The following ZBTB8B variants were observed in gnomAD, a reference collection of about 807,000 sequenced individuals.
The protein encoded by ZBTB8B is zinc finger and BTB domain-containing protein 8B.
In ZBTB8B, 17 loss-of-function variants were observed where a neutral mutation model predicts 30.3. The observed-to-expected ratio is 0.56, with a 90% CI of 0.38 to 0.84. The LOEUF (loss-of-function observed/expected upper bound fraction) is 0.84. Ranked by LOEUF, ZBTB8B falls within the 40% of genes least tolerant of loss-of-function variation. The pLI is 0.00. For missense variants in ZBTB8B, 515 were observed against 644.9 expected, an observed-to-expected ratio of 0.80 and a Z score of 2.18; for synonymous variants, 248 against 255.6, an observed-to-expected ratio of 0.97 and a Z score of 0.28.
At chr1:32,475,667 A>G (rs1643659915) in intron 2 of ZBTB8B, among the ~76,000 whole-genome samples, 1 of 152,176 alleles carries the variant, frequency 6.6e-6, no homozygotes, top group Non-Finnish European at 1.5e-5. Flanking sequence ...ACTCAGAGGT[A>G]TGAGTTCATG....
chr1:32,475,388 C>A (rs1643654408), intron 2 of ZBTB8B, among the ~76,000 whole-genome samples: 1 of 152,084 alleles, frequency 6.6e-6, no homozygotes, highest in Non-Finnish European at 1.5e-5. Context: ...TCAAGACCAG[C>A]CTGGCCAACA....
rs1164174584 is a variant in ZBTB8B, at chr1:32,495,387, T to G, written c.*9969T>G. 1 of 152,184 alleles carries G rather than the reference T, an allele frequency of 6.6e-6. No homozygotes were observed. The highest frequency in any genetic ancestry group is 1.5e-5 in the Non-Finnish European group (1 of 68,030). 9.4% of individuals were successfully genotyped at this position (152,184 alleles called of 1,614,324 possible). A position where few individuals can be genotyped will look rare whatever the true frequency, so the allele number is the denominator to read the frequency against. On this transcript the variant is annotated 3_prime_UTR_variant, in exon 4 of 4. Transcript: ENST00000609129. ...AGTATTCCTGGTTTTTAATGAAATATTTATCTAGTTTGGGATTAAAATTAA... is the reference window on the plus strand; with the variant it reads ...AGTATTCCTGGTTTTTAATGAAATAGTTATCTAGTTTGGGATTAAAATTAA...
chr1:32,473,148 C>A (rs1475878868), intron 2 of ZBTB8B, among the ~76,000 whole-genome samples: 2 of 152,138 alleles, frequency 1.3e-5, no homozygotes, highest in African/African-American at 4.8e-5. Flanking sequence ...GGCTTCCAAA[C>A]CTTAAGCCAA....
rs1486636892 is a variant in ZBTB8B, at chr1:32,491,800, C to T, written c.*6382C>T. ...TGGGCATCATGTCTACCATATGTAA[C>T]ATTGCCTAGCAGTTGACATATGAAT... On this transcript the variant is annotated 3_prime_UTR_variant, in exon 4 of 4. Transcript: ENST00000609129. 3 of 152,234 alleles carry T rather than the reference C, an allele frequency of 2.0e-5. No individual in the cohort carries two copies. Among genetic ancestry groups the T allele is most frequent in the Admixed American group, 6.5e-5 (1 of 15,282 alleles). The allele number at this position is 152,234 out of a possible 1,614,324, so 9.4% of individuals were successfully genotyped here.
In ZBTB8B at chr1:32,470,769, T is replaced by C. The variant is rs1643611179; in HGVS notation, c.145T>C (p.Phe49Leu). ...RNILFANSGY[F>L]RALLIHYIQD... ...CATTTTGTTTGCTAACAGCGGCTAC[T>C]TCCGAGCCCTGCTCATTCACTATAT... The change falls in exon 2 of 4, where the codon TTC becomes CTC. Residue 49 changes from phenylalanine (F) to leucine (L), a missense_variant. By Grantham distance (22) the Phe-to-Leu change is conservative. Around this residue, in one of 3 missense-constraint regions of ZBTB8B, gnomAD observed 61 missense variants for 117.7 expected, o/e 0.52. Coordinates refer to ENST00000609129, the MANE Select transcript of ZBTB8B (RefSeq NM_001145720.2). The C allele has an allele frequency of 7.7e-6, 12 of 1,551,798 alleles. No individual in the cohort carries two copies. The highest frequency in any genetic ancestry group is 1.0e-5 in the Non-Finnish European group (12 of 1,147,014).
intron 2 of ZBTB8B, among the ~76,000 whole-genome samples, chr1:32,474,986 A>G (rs1643651798): frequency 6.6e-6 from 1 of 152,346 alleles, no homozygotes; most frequent in East Asian, 1.9e-4. Context: ...TGTGCCACTT[A>G]TAATATATTC....
At chr1:32,470,499 CAA>C (rs60700558) in intron 1 of ZBTB8B, 83 bp from the exon 2 acceptor site, 19,217 of 343,528 alleles carry the variant, frequency 0.056, no homozygotes, top group South Asian at 0.1. Context: ...GACGCTGACT[CAA>C]AAAAAAAAAA....
intron 1 of ZBTB8B, among the ~76,000 whole-genome samples, chr1:32,466,264 G>A (rs1643569638): frequency 6.6e-6 from 1 of 152,138 alleles, no homozygotes; most frequent in East Asian, 1.9e-4. Flanking sequence ...ACTCCCTCAA[G>A]GGTATATGAG....
In ZBTB8B at chr1:32,484,610, T is replaced by C. The variant is rs1643730072; in HGVS notation, c.1171-491T>C. ...GAAATGTAATCCCTAATGCTGGAAGTGGGGCCTGGTGGGAGGTGGTTGCAT... is the reference window on the plus strand; with the variant it reads ...GAAATGTAATCCCTAATGCTGGAAGCGGGGCCTGGTGGGAGGTGGTTGCAT... On this transcript the variant is annotated intron_variant, in intron 3 of 3. Transcript: ENST00000609129. This position sits in a 1 kb window ranked among gnomAD's most constrained non-coding sequence, Gnocchi z 4.5. 6.6e-6 allele frequency among the ~76,000 whole-genome samples: 1 copy of C among 152,116 alleles called. No homozygotes were observed. Among genetic ancestry groups the C allele is most frequent in the Non-Finnish European group, 1.5e-5 (1 of 68,022 alleles).
rs1157423808 is a variant in ZBTB8B at position 32,494,795 on chromosome 1, T to C, written c.*9377T>C. On this transcript the variant is annotated 3_prime_UTR_variant, in exon 4 of 4. Transcript: ENST00000609129. Reference sequence around the variant, plus strand: ...AAGTGATTTTTTCCAACCTCGCTGATTTTTTTCCTTCTTTCTTTTTTGAGA... The same window carrying C: ...AAGTGATTTTTTCCAACCTCGCTGACTTTTTTCCTTCTTTCTTTTTTGAGA... 6.6e-6 allele frequency: 1 copy of C among 152,122 alleles called. No individual in the cohort carries two copies. The highest frequency in any genetic ancestry group is 1.5e-5 in the Non-Finnish European group (1 of 68,016). The allele number at this position is 152,122 out of a possible 1,614,324, so 9.4% of individuals were successfully genotyped here.
rs534026096 is a variant in ZBTB8B, at chr1:32,489,364, G to C, written c.*3946G>C. ...ATGTTTAAATGATTCTCTTTCTTTC[G>C]TAATATCTCAGATTGTTGCATTTCT... On this transcript the variant is annotated 3_prime_UTR_variant, in exon 4 of 4. Transcript: ENST00000609129. 2.6e-5 allele frequency: 4 copies of C among 152,226 alleles called. No homozygotes were observed. In the East Asian group the frequency reaches 7.7e-4, roughly 29 times the overall value. 9.4% of individuals were successfully genotyped at this position (152,226 alleles called of 1,614,324 possible).
chr1:32,479,261 A>G (rs916496030), intron 2 of ZBTB8B, among the ~76,000 whole-genome samples: 1 of 152,210 alleles, frequency 6.6e-6, no homozygotes, highest in African/African-American at 2.4e-5. Flanking sequence ...ATGGTGGCTC[A>G]TGCCTGTAAT....
chr1:32,471,285 T>C lies in ZBTB8B; in HGVS notation c.661T>C (p.Ser221Pro). 7.1e-6 allele frequency: 11 copies of C among 1,551,770 alleles called. No homozygotes were observed. Among genetic ancestry groups the C allele is most frequent in the Non-Finnish European group, 9.6e-6 (11 of 1,146,998 alleles). ...LGGGSADSNL[S>P]TPPKRIEPKV... The stretch of plus-strand genomic sequence containing the variant: ...CGGTGGCTCGGCTGACAGCAACCTC[T>C]CTACTCCACCCAAACGGATAGAGCC... The change falls in exon 2 of 4, where the codon TCT (serine) becomes CCT (proline). Residue 221 changes from serine (S) to proline (P), a missense_variant. By Grantham distance (74) the Ser-to-Pro change is moderately conservative. Around this residue, in one of 3 missense-constraint regions of ZBTB8B, gnomAD observed 429 missense variants for 504.3 expected, o/e 0.85. Coordinates refer to ENST00000609129, the MANE Select transcript of ZBTB8B (RefSeq NM_001145720.2).
At chr1:32,468,258 G>T (rs1643588557) in intron 1 of ZBTB8B, among the ~76,000 whole-genome samples, 1 of 152,142 alleles carries the variant, frequency 6.6e-6, no homozygotes, top group African/African-American at 2.4e-5. Flanking sequence ...GCCTGAGCTG[G>T]GCTGTCATCT....
chr1:32,475,174 T>TATGG (rs1418839607), intron 2 of ZBTB8B, among the ~76,000 whole-genome samples: 3 of 152,252 alleles, frequency 2.0e-5, no homozygotes, highest in African/African-American at 7.2e-5. Flanking sequence ...GATTGATTTG[T>TATGG]TTGGTTATTC....
In ZBTB8B at chr1:32,488,484, C is replaced by T. The variant is rs1021185427; in HGVS notation, c.*3066C>T. 2.0e-5 allele frequency: 3 copies of T among 152,170 alleles called. No homozygotes were observed. The highest frequency in any genetic ancestry group is 4.8e-5 in the African/African-American group (2 of 41,442). The allele number at this position is 152,170 out of a possible 1,614,324, so 9.4% of individuals were successfully genotyped here. On this transcript the variant is annotated 3_prime_UTR_variant, in exon 4 of 4. Coordinates refer to ENST00000609129, the MANE Select transcript of ZBTB8B (RefSeq NM_001145720.2). ...GACCTCTTCATATCCCTGGGTAAAA[C>T]ATTTTACATTAGAGATTTCACTGTA...
In ZBTB8B at chr1:32,485,484, C is replaced by T; in HGVS notation, c.*66C>T. 2 of 1,460,172 alleles carry T rather than the reference C, an allele frequency of 1.4e-6. No homozygotes were observed. The highest frequency in any genetic ancestry group is 1.8e-6 in the Non-Finnish European group (2 of 1,083,256). The allele number at this position is 1,460,172 out of a possible 1,614,324, so 90.5% of individuals were successfully genotyped here. ...GTGCTCGTTCTGTTGTTGAAAGATA[C>T]CATTTGTCCAATTTTGTGGAACCCT... On this transcript the variant is annotated 3_prime_UTR_variant, in exon 4 of 4. Coordinates refer to ENST00000609129, the MANE Select transcript of ZBTB8B (RefSeq NM_001145720.2).
intron 1 of ZBTB8B, among the ~76,000 whole-genome samples, chr1:32,466,171 G>A (rs1643569007): frequency 6.6e-6 from 1 of 152,216 alleles, no homozygotes; most frequent in Non-Finnish European, 1.5e-5. Flanking sequence ...TGGGACTGGA[G>A]GAGTCTTGTC....
chr1:32,476,682 G>A (rs767034613), intron 2 of ZBTB8B, among the ~76,000 whole-genome samples: 5 of 151,868 alleles, frequency 3.3e-5, no homozygotes, highest in East Asian at 1.9e-4. Context: ...CCAGCTACTC[G>A]GGAGACTGAG....
Sources: gnomAD v4.1 joint callset for allele counts (sites outside exome capture counted in the v4.1 genomes callset) on GRCh38, gnomAD v4.1.1 for gene constraint, gnomAD v4.1.1 regional missense constraint, Gnocchi (gnomAD v3.1) non-coding constraint, MANE v1.5 for transcripts, NCBI Gene and HGNC (gene_info 2026-07-23, HGNC 2026-07-21) for gene names.